Variants in PTPRD observed in about 807,000 individuals in gnomAD.
PTPRD encodes receptor-type tyrosine-protein phosphatase delta.
In PTPRD, 34 loss-of-function variants were observed where a neutral mutation model predicts 214.5. The observed-to-expected ratio is 0.16, with a 90% CI of 0.12 to 0.21. PTPRD has a LOEUF of 0.21. PTPRD is among the 10% of genes least tolerant of loss of function. The pLI, the probability that PTPRD is intolerant of heterozygous loss-of-function variation, is 1.00. For synonymous variants in PTPRD, 1,128 were observed against 845.7 expected (o/e 1.33, Z -5.79); for missense variants, 2,545 against 2,398.7 (o/e 1.06, Z -1.27).
chr9:8,481,449 T>C (rs913048876), intron 30 of PTPRD, among the ~76,000 whole-genome samples: 5 of 152,226 alleles, frequency 3.3e-5, no homozygotes, highest in Non-Finnish European at 7.3e-5. Context: ...TATACTATTT[T>C]AAAACTTCTT....
chr9:8,751,066 G>A (rs1227084537), intron 11 of PTPRD, among the ~76,000 whole-genome samples: 2 of 152,086 alleles, frequency 1.3e-5, no homozygotes, highest in Non-Finnish European at 2.9e-5. Flanking sequence ...ACTTTTCAGT[G>A]ATCCTATGGC....
At chr9:8,921,066 G>A (rs2098824301) in intron 11 of PTPRD, among the ~76,000 whole-genome samples, 1 of 152,100 alleles carries the variant, frequency 6.6e-6, no homozygotes, top group South Asian at 2.1e-4. Context: ...CGCGCGCCTC[G>A]GCCTCCCAAA....
chr9:8,784,480 C>A (rs578217061), intron 11 of PTPRD, among the ~76,000 whole-genome samples: 11 of 152,184 alleles, frequency 7.2e-5, no homozygotes, highest in African/African-American at 9.7e-5. Flanking sequence ...AGGATCCTGG[C>A]ATAGAGAAGC....
intron 35 of PTPRD, among the ~76,000 whole-genome samples, chr9:8,419,452 C>T (rs61435032): frequency 1.3e-5 from 2 of 151,410 alleles, no homozygotes; most frequent in Admixed American, 6.6e-5. Context: ...AACAATATAG[C>T]GAACAAAAAA....
chr9:10,547,006 T>C (rs966579422), intron 2 of PTPRD, among the ~76,000 whole-genome samples: 1 of 152,112 alleles, frequency 6.6e-6, no homozygotes, highest in African/African-American at 2.4e-5. Flanking sequence ...GCAGGTCATC[T>C]GCTGTAGGGT....
intron 9 of PTPRD, among the ~76,000 whole-genome samples, chr9:9,387,776 T>C (rs921880967): frequency 1.3e-5 from 2 of 152,218 alleles, no homozygotes; most frequent in African/African-American, 2.4e-5. Flanking sequence ...CTCAATCCTC[T>C]AGGGGAGCAT....
At chr9:8,757,641 TAC>T (rs1555282190) in intron 11 of PTPRD, among the ~76,000 whole-genome samples, 80 of 141,842 alleles carry the variant, frequency 5.6e-4, no homozygotes, top group African/African-American at 2.0e-3. Context: ...TATATATATA[TAC>T]ATACATATAT....
At chr9:8,945,298 T>A (rs2099057006) in intron 11 of PTPRD, among the ~76,000 whole-genome samples, 1 of 151,462 alleles carries the variant, frequency 6.6e-6, no homozygotes, top group Admixed American at 6.6e-5. Flanking sequence ...TAGGTTTCTT[T>A]ATTTAGAATA....
intron 5 of PTPRD, among the ~76,000 whole-genome samples, chr9:9,813,384 C>T (rs2047755397): frequency 1.0e-5 from 1 of 95,336 alleles, no homozygotes; most frequent in South Asian, 3.0e-4. Context: ...ATTGATAAAC[C>T]TTTAGCAAAA....
At chr9:10,561,454 C>T (rs1323892863) in intron 2 of PTPRD, among the ~76,000 whole-genome samples, 1 of 152,044 alleles carries the variant, frequency 6.6e-6, no homozygotes, top group African/African-American at 2.4e-5. Flanking sequence ...TTATACTGAA[C>T]GTGATTATAT....
chr9:9,176,980 T>C (rs1414351776), intron 10 of PTPRD, among the ~76,000 whole-genome samples: 1 of 152,110 alleles, frequency 6.6e-6, no homozygotes, highest in Non-Finnish European at 1.5e-5. Flanking sequence ...ATCTTAGTAG[T>C]TTTTTCTGTC....
At chr9:10,456,942 T>C (rs1040807434) in intron 2 of PTPRD, among the ~76,000 whole-genome samples, 1 of 151,938 alleles carries the variant, frequency 6.6e-6, no homozygotes, top group African/African-American at 2.4e-5. Flanking sequence ...GCACATTTTT[T>C]CTTTAAATTG....
At chr9:8,495,374 T>C (rs942512200) in intron 26 of PTPRD, among the ~76,000 whole-genome samples, 1 of 152,210 alleles carries the variant, frequency 6.6e-6, no homozygotes, top group Non-Finnish European at 1.5e-5. Context: ...ACTATCACTT[T>C]TTCATTTCTA....
chr9:9,014,292 A>T (rs945727084), intron 11 of PTPRD, among the ~76,000 whole-genome samples: 2 of 151,450 alleles, frequency 1.3e-5, no homozygotes, highest in Non-Finnish European at 2.9e-5. Context: ...CATTCTCACA[A>T]TCTGAACAGA....
intron 11 of PTPRD, among the ~76,000 whole-genome samples, chr9:8,839,877 T>C (rs1164473677): frequency 6.6e-6 from 1 of 152,092 alleles, no homozygotes; most frequent in South Asian, 2.1e-4. Flanking sequence ...TGAGGCAAGG[T>C]TGTAAAAAAT....
chr9:10,528,956 T>C (rs2055207277), intron 2 of PTPRD, among the ~76,000 whole-genome samples: 1 of 152,142 alleles, frequency 6.6e-6, no homozygotes, highest in South Asian at 2.1e-4. Context: ...AAAAGAGAAA[T>C]TGACTTTTTT....
chr9:9,292,356 G>A (rs10977642), intron 9 of PTPRD, among the ~76,000 whole-genome samples: 1 of 151,222 alleles, frequency 6.6e-6, no homozygotes, highest in Non-Finnish European at 1.5e-5. Context: ...CATGATGTAG[G>A]AAGATTTCCC....
chr9:10,347,375 T>A (rs1311652053), intron 2 of PTPRD, among the ~76,000 whole-genome samples: 1 of 151,968 alleles, frequency 6.6e-6, no homozygotes, highest in Non-Finnish European at 1.5e-5. Flanking sequence ...GTATGATTTG[T>A]AAAGATGGAA....
intron 3 of PTPRD, among the ~76,000 whole-genome samples, chr9:10,251,829 G>C (rs988084374): frequency 6.6e-5 from 10 of 152,118 alleles, no homozygotes; most frequent in Non-Finnish European, 1.5e-4. Flanking sequence ...AGAAATAGTA[G>C]AATGATGGTT....
Sources: gnomAD v4.1 joint callset for allele counts (sites outside exome capture counted in the v4.1 genomes callset) on GRCh38, gnomAD v4.1.1 for gene constraint, MANE v1.5 for transcripts, NCBI Gene and HGNC (gene_info 2026-07-23, HGNC 2026-07-21) for gene names.